NAALADL2: variants seen among roughly 807,000 people sequenced by gnomAD.
NAALADL2 encodes inactive N-acetylated-alpha-linked acidic dipeptidase-like protein 2.
NAALADL2 carries 76 observed loss-of-function variants against 87.2 expected under a neutral mutation model. The observed-to-expected ratio is 0.87, with a 90% confidence interval of 0.72 to 1.05. The LOEUF (loss-of-function observed/expected upper bound fraction) is 1.05, where lower values mean the gene tolerates loss of function less well. NAALADL2 is among the 50% of genes least tolerant of loss of function. The pLI is 0.00. For missense variants in NAALADL2, 1,089 were observed against 945.8 expected, an observed-to-expected ratio of 1.15 and a Z score of -1.99; for synonymous variants, 354 against 331.0, an observed-to-expected ratio of 1.07 and a Z score of -0.75.
intron 2 of NAALADL2, among the ~76,000 whole-genome samples, chr3:174,646,387 C>T (rs911825192): frequency 6.6e-6 from 1 of 151,998 alleles, no homozygotes; most frequent in African/African-American, 2.4e-5. Context: ...TTTTATTTTG[C>T]TTTCTAGTTT....
chr3:175,178,261 AGC>A (rs1735971876), intron 2 of NAALADL2, among the ~76,000 whole-genome samples: 10 of 152,024 alleles, frequency 6.6e-5, no homozygotes, highest in Admixed American at 5.3e-4. Context: ...ATAGAAGAAA[AGC>A]CATCTCATAT....
intron 1 of NAALADL2, among the ~76,000 whole-genome samples, chr3:174,912,933 G>A (rs1331498090): frequency 6.6e-6 from 1 of 152,070 alleles, no homozygotes; most frequent in Non-Finnish European, 1.5e-5. Flanking sequence ...GTGCCCTAAT[G>A]TATTTCTACA....
intron 1 of NAALADL2, among the ~76,000 whole-genome samples, chr3:174,548,154 G>A (rs1711608310): frequency 6.6e-6 from 1 of 152,182 alleles, no homozygotes; most frequent in Admixed American, 6.5e-5. Flanking sequence ...ATTACGAACT[G>A]TGTAAACATA....
At chr3:175,070,023 G>T (rs548122136) in intron 1 of NAALADL2, among the ~76,000 whole-genome samples, 1 of 138,902 alleles carries the variant, frequency 7.2e-6, no homozygotes. Flanking sequence ...GGGGTAGGGG[G>T]AGGGGGGAGG....
intron 1 of NAALADL2, among the ~76,000 whole-genome samples, chr3:174,873,490 C>G (rs1009083448): frequency 3.4e-4 from 51 of 152,058 alleles, no homozygotes; most frequent in Non-Finnish European, 5.4e-4. Flanking sequence ...CCCGACCTTG[C>G]GATCCACCCA....
intron 1 of NAALADL2, among the ~76,000 whole-genome samples, chr3:174,938,086 G>A (rs77387228): frequency 0.067 from 10,168 of 151,868 alleles, 410 homozygotes; most frequent in African/African-American, 0.091. Context: ...GTAAACTCCC[G>A]TCACAGGGCT....
chr3:175,170,268 A>G (rs1364767956), intron 2 of NAALADL2, among the ~76,000 whole-genome samples: 4 of 151,472 alleles, frequency 2.6e-5, no homozygotes, highest in African/African-American at 7.3e-5. Flanking sequence ...AAATAAATTG[A>G]TGATTTGCAG....
At chr3:175,314,517 T>C (rs1041425433) in intron 4 of NAALADL2, among the ~76,000 whole-genome samples, 6 of 141,186 alleles carry the variant, frequency 4.2e-5, no homozygotes, top group Non-Finnish European at 6.1e-5. Context: ...GTATTGTGTC[T>C]CAAATTTCAA....
At chr3:174,555,725 T>C (rs897918467) in intron 2 of NAALADL2, among the ~76,000 whole-genome samples, 1 of 152,210 alleles carries the variant, frequency 6.6e-6, no homozygotes, top group African/African-American at 2.4e-5. Flanking sequence ...TTGGCCTTTC[T>C]ATAAGCCATT....
chr3:174,968,922 G>A (rs747442545), intron 1 of NAALADL2, among the ~76,000 whole-genome samples: 1 of 152,110 alleles, frequency 6.6e-6, no homozygotes, highest in Non-Finnish European at 1.5e-5. Flanking sequence ...TATTCTTTGA[G>A]GGCCTGCTAA....
Position 175,541,117 on chromosome 3 carries a change from A to C in NAALADL2, c.1654-34924A>C, listed in dbSNP as rs146861006. ...GAAAATGCTACAGACCAACCTGACC[A>C]ATCAGGCAAGGCCTTGAGATATCTT... On this transcript the variant is annotated intron_variant, in intron 9 of 13. Coordinates refer to ENST00000454872, the MANE Select transcript of NAALADL2 (RefSeq NM_207015.3). Among the ~76,000 whole-genome samples, 895 of 152,332 alleles carry C rather than the reference A, an allele frequency of 5.9e-3. 6 individuals carry two copies. The highest frequency in any genetic ancestry group is 8.0e-3 in the Non-Finnish European group (544 of 68,030).
intron 1 of NAALADL2, among the ~76,000 whole-genome samples, chr3:174,461,109 G>C (rs1716189261): frequency 6.6e-6 from 1 of 152,020 alleles, no homozygotes; most frequent in African/African-American, 2.4e-5. Flanking sequence ...AGTATGCTTT[G>C]AGATAATATA....
At chr3:175,087,387 C>G (rs9850209) in intron 1 of NAALADL2, among the ~76,000 whole-genome samples, 3 of 151,882 alleles carry the variant, frequency 2.0e-5, no homozygotes, top group African/African-American at 7.3e-5. Context: ...TCTGCCCGGC[C>G]GCCACCCCGT....
intron 2 of NAALADL2, among the ~76,000 whole-genome samples, chr3:174,563,878 G>A (rs1321582949): frequency 6.6e-6 from 1 of 152,112 alleles, no homozygotes; most frequent in Non-Finnish European, 1.5e-5. Context: ...CCCGTCGTAA[G>A]AGTCACCTTA....
At chr3:174,638,754 C>T (rs1323738942) in intron 2 of NAALADL2, among the ~76,000 whole-genome samples, 1 of 152,156 alleles carries the variant, frequency 6.6e-6, no homozygotes, top group Non-Finnish European at 1.5e-5. Context: ...AATTTTTCCA[C>T]ATCAGTGAAT....
chr3:175,199,427 A>T (rs1264578961), intron 2 of NAALADL2, among the ~76,000 whole-genome samples: 1 of 152,044 alleles, frequency 6.6e-6, no homozygotes, highest in Non-Finnish European at 1.5e-5. Flanking sequence ...TAAAATTTTC[A>T]TACTGTGCTA....
chr3:175,586,675 T>A (rs1272647297), intron 10 of NAALADL2, among the ~76,000 whole-genome samples: 4 of 152,222 alleles, frequency 2.6e-5, no homozygotes, highest in Non-Finnish European at 5.9e-5. Context: ...CATTTTCAGT[T>A]TCCTAAACCA....
At chr3:175,284,950 A>C (rs572284626) in intron 4 of NAALADL2, among the ~76,000 whole-genome samples, 1 of 152,268 alleles carries the variant, frequency 6.6e-6, no homozygotes, top group East Asian at 1.9e-4. Context: ...GTGCATCAAA[A>C]GACAAAGTAT....
chr3:175,051,147 A>G (rs1478383462), intron 1 of NAALADL2, among the ~76,000 whole-genome samples: 1 of 152,226 alleles, frequency 6.6e-6, no homozygotes, highest in Non-Finnish European at 1.5e-5. Context: ...GGAAATTTTC[A>G]TAGATGATGT....
Sources: gnomAD v4.1 joint callset for allele counts (sites outside exome capture counted in the v4.1 genomes callset) on GRCh38, gnomAD v4.1.1 for gene constraint, MANE v1.5 for transcripts, NCBI Gene and HGNC (gene_info 2026-07-23, HGNC 2026-07-21) for gene names.